Variants in NICN1 observed in about 807,000 individuals in gnomAD.
NICN1 encodes nicolin 1, tubulin polyglutamylase complex subunit, also known as nicolin-1.
NICN1 carries 18 observed loss-of-function variants against 26.3 expected under a neutral mutation model. That is an observed-to-expected ratio of 0.68 (90% CI 0.47 to 1.01). NICN1 has a LOEUF of 1.01. Ranked by LOEUF, NICN1 falls within the 50% of genes least tolerant of loss-of-function variation. The pLI, the probability that NICN1 is intolerant of heterozygous loss-of-function variation, is 0.00. For synonymous variants in NICN1, 109 were observed against 111.0 expected (o/e 0.98, Z 0.11); for missense variants, 239 against 278.3 (o/e 0.86, Z 1.00).
Position 49,422,505 on chromosome 3 carries a change from G to T in NICN1, c.*2328C>A. 6.4e-7 allele frequency: 1 copy of T among 1,553,934 alleles called. No individual in the cohort carries two copies. Among genetic ancestry groups the T allele is most frequent in the Non-Finnish European group, 8.8e-7 (1 of 1,133,800 alleles). On this transcript the variant is annotated 3_prime_UTR_variant, in exon 6 of 6. Coordinates refer to ENST00000273598, the MANE Select transcript of NICN1 (RefSeq NM_032316.3). Reference sequence around the variant, plus strand: ...CAGAGGCCACCACACTGCCAGGCACGCCGGGAGATGTAGTCCAGGCCTCTG... The same window carrying T: ...CAGAGGCCACCACACTGCCAGGCACTCCGGGAGATGTAGTCCAGGCCTCTG...
Position 49,422,787 on chromosome 3 carries a change from G to T in NICN1, c.*2046C>A, listed in dbSNP as rs1559531298. On this transcript the variant is annotated 3_prime_UTR_variant, in exon 6 of 6. Coordinates refer to ENST00000273598, the MANE Select transcript of NICN1 (RefSeq NM_032316.3). ...TCAAAGTTCTGGAAAGGGCTGAAAG[G>T]TCTGAATCATACCTTTAGGACCTCA... 6.8e-6 allele frequency: 3 copies of T among 439,000 alleles called. No homozygotes were observed. The allele number at this position is 439,000 out of a possible 1,614,324, so 27.2% of individuals were successfully genotyped here. A position where few individuals can be genotyped will look rare whatever the true frequency, so the allele number is the denominator to read the frequency against.
Position 49,425,816 on chromosome 3 carries a change from C to T in NICN1, c.423+67G>A, listed in dbSNP as rs1014016237. ...TCTTCACCCATTACCCACCCCACCACCTAGCTTTCCCAGTCATAGAAGCTT... is the reference window on the plus strand; with the variant it reads ...TCTTCACCCATTACCCACCCCACCATCTAGCTTTCCCAGTCATAGAAGCTT... On this transcript the variant is annotated intron_variant, in intron 3 of 5. Coordinates refer to ENST00000273598, the MANE Select transcript of NICN1 (RefSeq NM_032316.3). The T allele has an allele frequency of 4.9e-6, 4 of 821,956 alleles. No individual in the cohort carries two copies. In the African/African-American group the frequency reaches 5.1e-5, roughly 10 times the overall value. The allele number at this position is 821,956 out of a possible 1,614,324, so 50.9% of individuals were successfully genotyped here.
At position 49,422,455 on chromosome 3, in the gene NICN1, G is replaced by A. The variant is rs758088553; in HGVS notation, c.*2378C>T. Reference sequence around the variant, plus strand: ...CACACTTACAGCCCTCTGCATCGTCGCCTGCAACGAGTGCAGACGGCGCAC... The same window carrying A: ...CACACTTACAGCCCTCTGCATCGTCACCTGCAACGAGTGCAGACGGCGCAC... On this transcript the variant is annotated 3_prime_UTR_variant, in exon 6 of 6. Transcript: ENST00000273598. 13 of 1,612,412 alleles carry A rather than the reference G, an allele frequency of 8.1e-6. No homozygotes were observed. In the East Asian group the frequency reaches 1.6e-4, roughly 19 times the overall value.
chr3:49,424,476 T>G lies in NICN1; in HGVS notation c.*357A>C. ...CATACATGGAGCAGGTTTTAGTAGG[T>G]CAGCCCAGCCCAACTGCACTGACAT... On this transcript the variant is annotated 3_prime_UTR_variant, in exon 6 of 6. Coordinates refer to ENST00000273598, the MANE Select transcript of NICN1 (RefSeq NM_032316.3). 2 of 420,976 alleles carry G rather than the reference T, an allele frequency of 4.8e-6. No homozygotes were observed. The highest frequency in any genetic ancestry group is 4.3e-6 in the Non-Finnish European group (1 of 229,932). The allele number at this position is 420,976 out of a possible 1,614,324, so 26.1% of individuals were successfully genotyped here.
Position 49,429,254 on chromosome 3 carries a change from C to G in NICN1, c.-15G>C. ...ACGCGGGACATGGTGACAGCAGCCG[C>G]AACTAAGTGCAACCGCCGCTCTAGG... On this transcript the variant is annotated 5_prime_UTR_variant, in exon 1 of 6. Transcript: ENST00000273598. The G allele has an allele frequency of 6.3e-7, 1 of 1,582,116 alleles. No homozygotes were observed. Among genetic ancestry groups the G allele is most frequent in the Non-Finnish European group, 8.6e-7 (1 of 1,162,182 alleles).
In NICN1 at chr3:49,422,676, C is replaced by T. The variant is rs1244431682; in HGVS notation, c.*2157G>A. The T allele has an allele frequency of 1.5e-5, 10 of 685,442 alleles. No homozygotes were observed. The highest frequency in any genetic ancestry group is 2.7e-5 in the Non-Finnish European group (10 of 377,112). The allele number at this position is 685,442 out of a possible 1,614,324, so 42.5% of individuals were successfully genotyped here. On this transcript the variant is annotated 3_prime_UTR_variant, in exon 6 of 6. Coordinates refer to ENST00000273598, the MANE Select transcript of NICN1 (RefSeq NM_032316.3). ...TCTTTCGGCTGACTCTTCAGGGCAGCTCGGGCAATCCAGAGCTGATTGGGC... is the reference window on the plus strand; with the variant it reads ...TCTTTCGGCTGACTCTTCAGGGCAGTTCGGGCAATCCAGAGCTGATTGGGC...
rs762434060 is a variant in NICN1 at position 49,422,343 on chromosome 3, C to G, written c.*2490G>C. On this transcript the variant is annotated 3_prime_UTR_variant, in exon 6 of 6. Coordinates refer to ENST00000273598, the MANE Select transcript of NICN1 (RefSeq NM_032316.3). ...GCTTCCCTCCCCCACCCTCCAAGAT[C>G]AGCACCCTCTATCCCACCTGTGCGC... 9.6e-6 allele frequency: 14 copies of G among 1,457,070 alleles called. No individual in the cohort carries two copies. In the South Asian group the frequency reaches 1.5e-4, roughly 15 times the overall value. 90.3% of individuals were successfully genotyped at this position (1,457,070 alleles called of 1,614,324 possible).
intron 3 of NICN1, 130 bp from the exon 4 acceptor site, chr3:49,425,568 C>A: frequency 1.4e-6 from 1 of 706,972 alleles, no homozygotes; most frequent in East Asian, 2.7e-5. Context: ...TTAGGGAGCC[C>A]ACAGAGACCT....
Position 49,429,283 on chromosome 3 carries a change from C to G in NICN1, c.-44G>C. The G allele has an allele frequency of 6.5e-7, 1 of 1,548,352 alleles. No homozygotes were observed. Among genetic ancestry groups the G allele is most frequent in the Admixed American group, 1.9e-5 (1 of 53,320 alleles). On this transcript the variant is annotated 5_prime_UTR_variant, in exon 1 of 6. Coordinates refer to ENST00000273598, the MANE Select transcript of NICN1 (RefSeq NM_032316.3). ...TAAGTGCAACCGCCGCTCTAGGCCCCCGACCACCAGCCCTTCCCGGCATCC... is the reference window on the plus strand; with the variant it reads ...TAAGTGCAACCGCCGCTCTAGGCCCGCGACCACCAGCCCTTCCCGGCATCC...
intron 1 of NICN1, 118 bp from the exon 2 acceptor site, chr3:49,426,546 G>A (rs1001207998): frequency 1.2e-5 from 8 of 644,674 alleles, no homozygotes; most frequent in Admixed American, 3.7e-5. Context: ...TTTTTTTTTT[G>A]AGAGGAAATC....
chr3:49,422,512 G>T lies in NICN1; in HGVS notation c.*2321C>A, dbSNP rs1172065675. Reference sequence around the variant, plus strand: ...CACCACACTGCCAGGCACGCCGGGAGATGTAGTCCAGGCCTCTGCTCGGAC... The same window carrying T: ...CACCACACTGCCAGGCACGCCGGGATATGTAGTCCAGGCCTCTGCTCGGAC... On this transcript the variant is annotated 3_prime_UTR_variant, in exon 6 of 6. Transcript: ENST00000273598. 2 of 1,535,588 alleles carry T rather than the reference G, an allele frequency of 1.3e-6. No homozygotes were observed. Among genetic ancestry groups the T allele is most frequent in the Non-Finnish European group, 1.8e-6 (2 of 1,118,898 alleles).
rs1002436030 is a variant in NICN1, at chr3:49,424,546, G to A, written c.*287C>T. 7.0e-6 allele frequency: 4 copies of A among 568,118 alleles called. No individual in the cohort carries two copies. The highest frequency in any genetic ancestry group is 3.1e-5 in the Admixed American group (1 of 32,686). 35.2% of individuals were successfully genotyped at this position (568,118 alleles called of 1,614,324 possible). On this transcript the variant is annotated 3_prime_UTR_variant, in exon 6 of 6. Coordinates refer to ENST00000273598, the MANE Select transcript of NICN1 (RefSeq NM_032316.3). ...AGGAATGTGCATGTTGCCAGAAGGG[G>A]CAGAGGGCACTCAGGGATTCTCAGT...
rs200333545 is a variant in NICN1 at position 49,429,072 on chromosome 3, C to T, written c.132+36G>A. ...GACCGAGATTCCAGGTCGGCCCCGC[C>T]CGGGAGCCTCGGTCGCGCCCACCAG... On this transcript the variant is annotated intron_variant, in intron 1 of 5. Coordinates refer to ENST00000273598, the MANE Select transcript of NICN1 (RefSeq NM_032316.3). 25 of 1,556,328 alleles carry T rather than the reference C, an allele frequency of 1.6e-5. No homozygotes were observed. The African/African-American group carries it at 3.2e-4, about 20-fold the overall frequency.
chr3:49,423,309 G>C lies in NICN1; in HGVS notation c.*1524C>G, dbSNP rs1478533706. On this transcript the variant is annotated 3_prime_UTR_variant, in exon 6 of 6. Coordinates refer to ENST00000273598, the MANE Select transcript of NICN1 (RefSeq NM_032316.3). Reference sequence around the variant, plus strand: ...AGCCAGGAAGAACCAGAGGGAAACAGGTTTTTCTCACATGAGGGAAGAGCA... The same window carrying C: ...AGCCAGGAAGAACCAGAGGGAAACACGTTTTTCTCACATGAGGGAAGAGCA... 6 of 152,406 alleles carry C rather than the reference G, an allele frequency of 3.9e-5. No homozygotes were observed. The highest frequency in any genetic ancestry group is 1.4e-4 in the African/African-American group (6 of 41,432). 9.4% of individuals were successfully genotyped at this position (152,406 alleles called of 1,614,324 possible). A position where few individuals can be genotyped will look rare whatever the true frequency, so the allele number is the denominator to read the frequency against.
intron 2 of NICN1, 125 bp from the exon 3 acceptor site, chr3:49,426,121 A>G: frequency 8.8e-7 from 1 of 1,139,812 alleles, no homozygotes; most frequent in Non-Finnish European, 1.3e-6. Flanking sequence ...TAGTCCCTCC[A>G]AGGCACTTCC....
rs2049143034 is a variant in NICN1 at position 49,423,529 on chromosome 3, G to A, written c.*1304C>T. 1 of 152,430 alleles carries A rather than the reference G, an allele frequency of 6.6e-6. No individual in the cohort carries two copies. Among genetic ancestry groups the A allele is most frequent in the Admixed American group, 6.5e-5 (1 of 15,274 alleles). 9.4% of individuals were successfully genotyped at this position (152,430 alleles called of 1,614,324 possible). ...CCCAGCACTTTGGAAGGCCAAGGCA[G>A]GCAGATCACCTGAGGTCAGGTGTTT... is the stretch of plus-strand genomic sequence containing the variant. On this transcript the variant is annotated 3_prime_UTR_variant, in exon 6 of 6. Coordinates refer to ENST00000273598, the MANE Select transcript of NICN1 (RefSeq NM_032316.3).
In NICN1 at chr3:49,428,487, C is replaced by T. The variant is rs571349852; in HGVS notation, c.132+621G>A. Among the ~76,000 whole-genome samples the T allele has an allele frequency of 1.1e-4, 16 of 152,076 alleles. No individual in the cohort carries two copies. The South Asian group carries it at 1.9e-3, about 18-fold the overall frequency. Reference sequence around the variant, plus strand: ...CTGTAATCCCAGCACTTTGGGAGGACGAGGTAGGCGGATCACCTGAGGTCG... The same window carrying T: ...CTGTAATCCCAGCACTTTGGGAGGATGAGGTAGGCGGATCACCTGAGGTCG... On this transcript the variant is annotated intron_variant, in intron 1 of 5. Transcript: ENST00000273598.
At position 49,429,302 on chromosome 3, in the gene NICN1, G is replaced by C. The variant is rs975002930; in HGVS notation, c.-63C>G. The C allele has an allele frequency of 6.6e-7, 1 of 1,508,960 alleles. No homozygotes were observed. Among genetic ancestry groups the C allele is most frequent in the Middle Eastern group, 1.8e-4 (1 of 5,602 alleles). 93.5% of individuals were successfully genotyped at this position (1,508,960 alleles called of 1,614,324 possible). A position where few individuals can be genotyped will look rare whatever the true frequency, so the allele number is the denominator to read the frequency against. On this transcript the variant is annotated 5_prime_UTR_variant, in exon 1 of 6. Transcript: ENST00000273598. ...AGGCCCCCGACCACCAGCCCTTCCC[G>C]GCATCCTCAGCCGAGCCTCAAGAAC...
rs2049182729 is a variant in NICN1 at position 49,427,404 on chromosome 3, G to A, written c.133-976C>T. ...GTCTGTAATGCCAGCACTTTGGGAG[G>A]CTGGGGCGGGTGGATCATTTAAGTT... On this transcript the variant is annotated intron_variant, in intron 1 of 5. Transcript: ENST00000273598. Among the ~76,000 whole-genome samples, 4 of 151,900 alleles carry A rather than the reference G, an allele frequency of 2.6e-5. No individual in the cohort carries two copies. The South Asian group carries it at 8.3e-4, about 32-fold the overall frequency.
Sources: gnomAD v4.1 joint callset for allele counts (sites outside exome capture counted in the v4.1 genomes callset) on GRCh38, gnomAD v4.1.1 for gene constraint, MANE v1.5 for transcripts, NCBI Gene and HGNC (gene_info 2026-07-23, HGNC 2026-07-21) for gene names.